The following ST8SIA6 variants were observed in gnomAD, a reference collection of about 807,000 sequenced individuals.
ST8SIA6 encodes the protein alpha-2,8-sialyltransferase 8F.
In ST8SIA6, 39 loss-of-function variants were observed where a neutral mutation model predicts 33.6. That is an observed-to-expected ratio of 1.16 (90% CI 0.90 to 1.52). The LOEUF (loss-of-function observed/expected upper bound fraction) is 1.52. Ranked by LOEUF, ST8SIA6 falls within the 40% of genes most tolerant of loss-of-function variation. The pLI is 0.00. For synonymous variants in ST8SIA6, 172 were observed against 167.2 expected (o/e 1.03, Z -0.22); for missense variants, 441 against 443.8 (o/e 0.99, Z 0.06).
chr10:17,376,157 A>T (rs1849911048), intron 3 of ST8SIA6, among the ~76,000 whole-genome samples: 1 of 152,154 alleles, frequency 6.6e-6, no homozygotes, highest in South Asian at 2.1e-4. Flanking sequence ...AATGGGAGTG[A>T]TGTGCGCCCC....
intron 3 of ST8SIA6, among the ~76,000 whole-genome samples, chr10:17,377,015 A>G (rs1392809632): frequency 1.3e-5 from 2 of 152,222 alleles, no homozygotes; most frequent in East Asian, 1.9e-4. Flanking sequence ...ACCTGCAGGT[A>G]TACATTGAGA....
intron 7 of ST8SIA6, among the ~76,000 whole-genome samples, chr10:17,322,749 GA>G (rs1564398464): frequency 6.6e-6 from 1 of 151,890 alleles, no homozygotes; most frequent in South Asian, 2.1e-4. Context: ...GTGCTACCAA[GA>G]AAAAAGAGTA....
intron 4 of ST8SIA6, among the ~76,000 whole-genome samples, chr10:17,346,435 A>G (rs1193196613): frequency 1.3e-5 from 2 of 152,088 alleles, no homozygotes; most frequent in African/African-American, 2.4e-5. Context: ...CTTTACAACA[A>G]TTTCAAAAAT....
intron 2 of ST8SIA6, among the ~76,000 whole-genome samples, chr10:17,393,719 T>G (rs1039818659): frequency 3.9e-5 from 6 of 152,136 alleles, no homozygotes; most frequent in African/African-American, 1.4e-4. Context: ...CCTAGGAGAT[T>G]GGATGTGGGA....
chr10:17,381,471 T>C (rs941080398), intron 3 of ST8SIA6, among the ~76,000 whole-genome samples: 1 of 134,466 alleles, frequency 7.4e-6, no homozygotes, highest in African/African-American at 2.7e-5. Flanking sequence ...CTCTAATTAA[T>C]TGGCTTTAAA....
intron 3 of ST8SIA6, among the ~76,000 whole-genome samples, chr10:17,378,332 G>A (rs569471720): frequency 6.6e-6 from 1 of 152,162 alleles, no homozygotes; most frequent in Non-Finnish European, 1.5e-5. Context: ...ACAGCTATTT[G>A]TCACTCTCAA....
At chr10:17,421,204 T>C (rs1309135968) in intron 2 of ST8SIA6, among the ~76,000 whole-genome samples, 1 of 152,136 alleles carries the variant, frequency 6.6e-6, no homozygotes, top group Non-Finnish European at 1.5e-5. Flanking sequence ...AGAACACAAC[T>C]GGGAAAGGCC....
At chr10:17,402,352 A>T (rs565112479) in intron 2 of ST8SIA6, among the ~76,000 whole-genome samples, 48 of 152,370 alleles carry the variant, frequency 3.2e-4, no homozygotes, top group African/African-American at 1.1e-3. Flanking sequence ...TAGTTCAGCC[A>T]TTGTGGAAGA....
chr10:17,372,329 C>T (rs1849761962), intron 3 of ST8SIA6, among the ~76,000 whole-genome samples: 1 of 152,156 alleles, frequency 6.6e-6, no homozygotes, highest in African/African-American at 2.4e-5. Flanking sequence ...TTTTGAATAG[C>T]TTCACATTAT....
At chr10:17,346,988 T>C (rs1848860845) in intron 4 of ST8SIA6, among the ~76,000 whole-genome samples, 2 of 152,304 alleles carry the variant, frequency 1.3e-5, no homozygotes, top group South Asian at 4.1e-4. Flanking sequence ...AGGAGTTGAT[T>C]CTGCAATCTT....
chr10:17,437,521 G>T (rs1852311401), intron 2 of ST8SIA6, among the ~76,000 whole-genome samples: 2 of 152,014 alleles, frequency 1.3e-5, no homozygotes, highest in South Asian at 4.2e-4. Flanking sequence ...CAGAAGTGGG[G>T]TCTGAAGCAG....
At chr10:17,386,783 C>T (rs436489) in intron 3 of ST8SIA6, among the ~76,000 whole-genome samples, 47,784 of 151,640 alleles carry the variant, frequency 0.32, 8,121 homozygotes, top group East Asian at 0.64. Flanking sequence ...TACAGTCTCC[C>T]GTAAACAGGA....
At chr10:17,421,587 G>A (rs1240947965) in intron 2 of ST8SIA6, among the ~76,000 whole-genome samples, 1 of 147,854 alleles carries the variant, frequency 6.8e-6, no homozygotes, top group African/African-American at 2.4e-5. Context: ...TTTTAAGACT[G>A]GGTCTTGCTT....
chr10:17,445,949 C>G (rs1382452590), intron 2 of ST8SIA6, among the ~76,000 whole-genome samples: 2 of 151,964 alleles, frequency 1.3e-5, no homozygotes, highest in Non-Finnish European at 1.5e-5. Context: ...AGTCATGAAA[C>G]CAAGGCATGA....
intron 4 of ST8SIA6, among the ~76,000 whole-genome samples, chr10:17,341,122 C>A (rs780612541): frequency 6.6e-6 from 1 of 152,236 alleles, no homozygotes; most frequent in African/African-American, 2.4e-5. Flanking sequence ...TAGAACCCAG[C>A]AGTGTGCACT....
intron 4 of ST8SIA6, among the ~76,000 whole-genome samples, chr10:17,333,717 A>ATATTTTTTTTTTTTT (rs1251981910): frequency 3.0e-5 from 1 of 33,754 alleles, no homozygotes; most frequent in East Asian, 6.0e-4. Context: ...ATATATATAT[A>ATATTTTTTTTTTTTT]TTTTTTTTTT....
At chr10:17,374,942 A>G (rs1448995141) in intron 3 of ST8SIA6, among the ~76,000 whole-genome samples, 1 of 150,998 alleles carries the variant, frequency 6.6e-6, no homozygotes. Context: ...CCAGTTTCAT[A>G]TATATATATT....
chr10:17,432,976 T>C (rs1485468070), intron 2 of ST8SIA6, among the ~76,000 whole-genome samples: 1 of 152,202 alleles, frequency 6.6e-6, no homozygotes, highest in African/African-American at 2.4e-5. Flanking sequence ...ATTTATTTAT[T>C]TGTCTATAAA....
chr10:17,356,987 A>C (rs1244803006), intron 4 of ST8SIA6, among the ~76,000 whole-genome samples: 2 of 152,230 alleles, frequency 1.3e-5, no homozygotes, highest in Admixed American at 1.3e-4. Context: ...ATACTTATAG[A>C]GATGATTTAA....
Sources: allele counts gnomAD v4.1 joint callset (sites outside exome capture counted in the v4.1 genomes callset), GRCh38; gene constraint gnomAD v4.1.1; transcripts MANE v1.5; gene names NCBI Gene and HGNC (gene_info 2026-07-23, HGNC 2026-07-21).